The following TOX4 variants were observed in gnomAD, a reference collection of about 807,000 sequenced individuals.
The protein encoded by TOX4 is epidermal Langerhans cell protein LCP1.
TOX4 carries 12 observed loss-of-function variants against 61.0 expected under a neutral mutation model. The ratio of observed to expected loss-of-function variants is 0.20; its 90% CI spans 0.13 to 0.32. The LOEUF is 0.32. Among genes scored for constraint, TOX4 ranks in the 10% least tolerant of loss-of-function variants. TOX4 has a pLI of 1.00. For missense variants in TOX4, 499 were observed against 753.3 expected (o/e 0.66, Z 3.95); for synonymous variants, 268 against 274.8 (o/e 0.98, Z 0.24).
At position 21,488,380 on chromosome 14, in the gene TOX4, T is replaced by C. The variant is rs947606447; in HGVS notation, c.319-210T>C. ...GACTTCTCTGATTATTTTTAGTTCT[T>C]CTTTTGAGTGCAAAGAAGTAAATTC... On this transcript the variant is annotated intron_variant, in intron 3 of 8. Transcript: ENST00000448790. 1.8e-5 allele frequency: 10 copies of C among 568,938 alleles called. No individual in the cohort carries two copies. The African/African-American group carries it at 1.9e-4, about 11-fold the overall frequency. 35.2% of individuals were successfully genotyped at this position (568,938 alleles called of 1,614,324 possible).
In TOX4 at chr14:21,492,670, G is replaced by A; in HGVS notation, c.1054G>A (p.Ala352Thr). ...VVNSTLSSYV[A>T]NQASSGAGGQ... ...TAACTCCACCCTTTCATCCTATGTG[G>A]CAAACCAGGCATCTTCTGGAGCTGG... is the stretch of plus-strand genomic sequence containing the variant. Residue 352 changes from alanine to threonine, a missense_variant, in exon 7 of 9, where the codon GCA becomes ACA. By Grantham distance (58) the Ala-to-Thr change is moderately conservative. Transcript: ENST00000448790. 1 of 1,613,826 alleles carries A rather than the reference G, an allele frequency of 6.2e-7. No homozygotes were observed. The highest frequency in any genetic ancestry group is 8.5e-7 in the Non-Finnish European group (1 of 1,180,000).
At chr14:21,494,226 T>C in intron 7 of TOX4, among the ~76,000 whole-genome samples, 1 of 152,234 alleles carries the variant, frequency 6.6e-6, no homozygotes, top group East Asian at 1.9e-4. Flanking sequence ...AGGTCTTAAG[T>C]TCCTTAGCTT....
At chr14:21,487,410 C>T in intron 2 of TOX4, 41 bp from the exon 3 acceptor site, 1 of 1,600,640 alleles carries the variant, frequency 6.2e-7, no homozygotes, top group Non-Finnish European at 8.5e-7. Flanking sequence ...TGCCATTTCT[C>T]CTCTTTTCAC....
At chr14:21,488,327 G>A in intron 3 of TOX4, 1 of 413,938 alleles carries the variant, frequency 2.4e-6, no homozygotes, top group South Asian at 3.2e-5. Context: ...TGAATAAGTT[G>A]ATAGCTCTTT....
chr14:21,498,586 G>C lies in TOX4; in HGVS notation c.*1980G>C. The C allele has an allele frequency of 1.7e-6, 1 of 575,586 alleles. No homozygotes were observed. Among genetic ancestry groups the C allele is most frequent in the Non-Finnish European group, 3.0e-6 (1 of 329,382 alleles). The allele number at this position is 575,586 out of a possible 1,614,324, so 35.7% of individuals were successfully genotyped here. A position where few individuals can be genotyped will look rare whatever the true frequency, so the allele number is the denominator to read the frequency against. On this transcript the variant is annotated 3_prime_UTR_variant, in exon 9 of 9. Coordinates refer to ENST00000448790, the MANE Select transcript of TOX4 (RefSeq NM_014828.4). The stretch of plus-strand genomic sequence containing the variant: ...TAGACTGGATCTGTATTATCTGAGG[G>C]TTAGTAACTAATGCTTAGCCAGGCC...
chr14:21,492,416 GA>G, intron 6 of TOX4, 40 bp downstream of exon 6: 1 of 1,610,738 alleles, frequency 6.2e-7, no homozygotes, highest in Non-Finnish European at 8.5e-7. Flanking sequence ...AAACCAGTAA[GA>G]AGTTTTTTGG....
At chr14:21,479,197 A>G (rs564061034) in intron 2 of TOX4, among the ~76,000 whole-genome samples, 1 of 147,346 alleles carries the variant, frequency 6.8e-6, no homozygotes, top group African/African-American at 2.5e-5. Context: ...TTGAAATGAT[A>G]TAAAACCTAA....
At chr14:21,481,402 C>T (rs1241242415) in intron 2 of TOX4, among the ~76,000 whole-genome samples, 1 of 152,206 alleles carries the variant, frequency 6.6e-6, no homozygotes, top group Non-Finnish European at 1.5e-5. Context: ...TGGTCTCAAA[C>T]TCCTGACCTC....
chr14:21,498,200 T>G lies in TOX4; in HGVS notation c.*1594T>G. 1 of 981,708 alleles carries G rather than the reference T, an allele frequency of 1.0e-6. No individual in the cohort carries two copies. Among genetic ancestry groups the G allele is most frequent in the Non-Finnish European group, 1.6e-6 (1 of 609,484 alleles). 60.8% of individuals were successfully genotyped at this position (981,708 alleles called of 1,614,324 possible). A position where few individuals can be genotyped will look rare whatever the true frequency, so the allele number is the denominator to read the frequency against. The stretch of plus-strand genomic sequence containing the variant: ...GAAAGCTATTGTACAAATATCACTC[T>G]TCAGGTTTAGCTTACAGAGCCATGG... On this transcript the variant is annotated 3_prime_UTR_variant, in exon 9 of 9. Coordinates refer to ENST00000448790, the MANE Select transcript of TOX4 (RefSeq NM_014828.4).
chr14:21,492,996 T>TACG lies in TOX4; in HGVS notation c.1382_1383insGAC (p.Thr461dup), dbSNP rs1402442690. 6.2e-7 allele frequency: 1 copy of TACG among 1,613,236 alleles called. No individual in the cohort carries two copies. The highest frequency in any genetic ancestry group is 1.1e-5 in the South Asian group (1 of 90,958). ...CACAGCCCCCGACTCAGCAGCAAGT[T>TACG]ACCATTCTGCAGCAGCCTCCTCCAC... On this transcript the variant is annotated inframe_insertion, in exon 7 of 9. Transcript: ENST00000448790.
chr14:21,495,632 T>C (rs956623878), intron 8 of TOX4: 6 of 336,902 alleles, frequency 1.8e-5, no homozygotes, highest in Non-Finnish European at 3.3e-5. Flanking sequence ...TTATGTATGC[T>C]CTTTAAAAAT....
chr14:21,479,446 C>G (rs539342208), intron 2 of TOX4, among the ~76,000 whole-genome samples: 15 of 151,706 alleles, frequency 9.9e-5, no homozygotes, highest in Admixed American at 5.3e-4. Context: ...GTCAGGAGTT[C>G]GAGACCAGCC....
chr14:21,490,522 C>G (rs913356752), intron 5 of TOX4, among the ~76,000 whole-genome samples: 1 of 152,142 alleles, frequency 6.6e-6, no homozygotes, highest in African/African-American at 2.4e-5. Context: ...TTTACAATAA[C>G]TCTCAAAAAT....
Position 21,495,353 on chromosome 14 carries a change from A to G in TOX4, c.1766A>G (p.Asn589Ser), listed in dbSNP as rs1037741244. Residue 589 changes from asparagine (N) to serine (S), a missense_variant, in exon 8 of 9, where the codon AAT becomes AGT. This residue lies in a region of TOX4 where 296 missense variants were observed against 404.7 expected (regional missense o/e 0.73). Transcript: ENST00000448790. Reference sequence around the variant, plus strand: ...CCCATTGTGAGTAAGGACTGGGACAATGAATACTGCAGCAATGAGTGTGTG... The same window carrying G: ...CCCATTGTGAGTAAGGACTGGGACAGTGAATACTGCAGCAATGAGTGTGTG... ...NPPIVSKDWDNEYCSNECVVK... is the reference protein window; with the variant it reads ...NPPIVSKDWDSEYCSNECVVK... 6.2e-7 allele frequency: 1 copy of G among 1,614,142 alleles called. No homozygotes were observed. Among genetic ancestry groups the G allele is most frequent in the African/African-American group, 1.3e-5 (1 of 75,040 alleles).
In TOX4 at chr14:21,496,767, GAGCA is replaced by G. The variant is rs1381438632; in HGVS notation, c.*162_*165del. The G allele has an allele frequency of 1.6e-6, 1 of 610,880 alleles. No homozygotes were observed. Among genetic ancestry groups the G allele is most frequent in the African/African-American group, 1.9e-5 (1 of 53,556 alleles). 37.8% of individuals were successfully genotyped at this position (610,880 alleles called of 1,614,324 possible). ...TTCCTTCAGCAGAGGCCAGGCTATG[GAGCA>G]GGGCCACTGAATTTGCTGTAATCTG... On this transcript the variant is annotated 3_prime_UTR_variant, in exon 9 of 9. Transcript: ENST00000448790.
chr14:21,496,349 A>G, intron 8 of TOX4, 197 bp from the exon 9 acceptor site: 1 of 487,158 alleles, frequency 2.1e-6, no homozygotes, highest in Non-Finnish European at 3.7e-6. Context: ...AACACAGTGA[A>G]ACCCTGTCCC....
Position 21,496,734 on chromosome 14 carries a change from C to T in TOX4, c.*128C>T, listed in dbSNP as rs1309419604. The T allele has an allele frequency of 1.3e-6, 1 of 765,192 alleles. No homozygotes were observed. Among genetic ancestry groups the T allele is most frequent in the African/African-American group, 1.8e-5 (1 of 56,998 alleles). 47.4% of individuals were successfully genotyped at this position (765,192 alleles called of 1,614,324 possible). ...CCCATGATGGCTGTTCATGTTTCAC[C>T]CCTTTTCTTCCTTCAGCAGAGGCCA... On this transcript the variant is annotated 3_prime_UTR_variant, in exon 9 of 9. Transcript: ENST00000448790.
chr14:21,482,826 A>G (rs915073978), intron 2 of TOX4, among the ~76,000 whole-genome samples: 9 of 151,430 alleles, frequency 5.9e-5, no homozygotes, highest in African/African-American at 9.7e-5. Flanking sequence ...GTGAATCTCT[A>G]CTTTTACTAT....
intron 2 of TOX4, among the ~76,000 whole-genome samples, chr14:21,483,370 T>C (rs1485532901): frequency 1.4e-5 from 2 of 147,752 alleles, no homozygotes; most frequent in Admixed American, 1.4e-4. Flanking sequence ...CCTTGATCCT[T>C]CTTCCTGTTC....
Sources: allele counts gnomAD v4.1 joint callset (sites outside exome capture counted in the v4.1 genomes callset), GRCh38; gene constraint gnomAD v4.1.1; regional missense constraint gnomAD v4.1.1; transcripts MANE v1.5; gene names NCBI Gene and HGNC (gene_info 2026-07-23, HGNC 2026-07-21).